The following FOXP1 variants were observed in gnomAD, a reference collection of about 807,000 sequenced individuals.
The protein encoded by FOXP1 is forkhead box protein P1.
A neutral mutation model predicts 98.2 loss-of-function variants in FOXP1; 15 were observed. That is an observed-to-expected ratio of 0.15 (90% CI 0.10 to 0.24). FOXP1 has a LOEUF of 0.24. Ranked by LOEUF, FOXP1 falls within the 10% of genes least tolerant of loss-of-function variation. The probability of loss-of-function intolerance (pLI) is 1.00; values close to 1 mark genes in which losing one functional copy is unlikely to be tolerated. For synonymous variants in FOXP1, 371 were observed against 314.5 expected, an observed-to-expected ratio of 1.18 and a Z score of -1.90; for missense variants, 633 against 848.5, an observed-to-expected ratio of 0.75 and a Z score of 3.15.
At chr3:71,230,428 T>C (rs1276333669) in intron 5 of FOXP1, among the ~76,000 whole-genome samples, 1 of 152,198 alleles carries the variant, frequency 6.6e-6, no homozygotes, top group Non-Finnish European at 1.5e-5. Flanking sequence ...TCAATGCCCA[T>C]GAATGATTAA....
intron 3 of FOXP1, among the ~76,000 whole-genome samples, chr3:71,421,453 A>T (rs1264437117): frequency 2.0e-5 from 3 of 152,220 alleles, no homozygotes; most frequent in Non-Finnish European, 4.4e-5. Context: ...ATTCAATAAG[A>T]ACACCAAAAT....
At chr3:70,992,126 C>A (rs2040695861) in intron 13 of FOXP1, among the ~76,000 whole-genome samples, 1 of 152,192 alleles carries the variant, frequency 6.6e-6, no homozygotes, top group South Asian at 2.1e-4. Flanking sequence ...CTCACCTAAA[C>A]ATGCTGGAGC....
In FOXP1 at chr3:70,958,285, C is replaced by T. The variant is rs988631959; in HGVS notation, c.*962G>A. ...CCCAATACTGCTGCGTGGAATGAAT[C>T]GGCATTGTTCCTAGAGTTTGTCTCT... On this transcript the variant is annotated 3_prime_UTR_variant, in exon 21 of 21. Coordinates refer to ENST00000649528, the MANE Select transcript of FOXP1 (RefSeq NM_001349338.3). 1.9e-5 allele frequency: 10 copies of T among 534,908 alleles called. No individual in the cohort carries two copies. Among genetic ancestry groups the T allele is most frequent in the Admixed American group, 6.7e-5 (3 of 44,922 alleles). 33.1% of individuals were successfully genotyped at this position (534,908 alleles called of 1,614,324 possible). A position where few individuals can be genotyped will look rare whatever the true frequency, so the allele number is the denominator to read the frequency against.
At chr3:71,260,202 C>T (rs1277261782) in intron 5 of FOXP1, among the ~76,000 whole-genome samples, 2 of 152,146 alleles carry the variant, frequency 1.3e-5, no homozygotes, top group Non-Finnish European at 2.9e-5. Flanking sequence ...CCAGGATGGT[C>T]GCGATCTCCT....
chr3:71,055,291 T>A (rs573923014), intron 7 of FOXP1, among the ~76,000 whole-genome samples: 1 of 152,316 alleles, frequency 6.6e-6, no homozygotes, highest in Admixed American at 6.5e-5. Flanking sequence ...GCTTGTTTCA[T>A]GTGTGGGGAT....
Position 71,085,471 on chromosome 3 carries a change from C to T in FOXP1, c.282+27065G>A, listed in dbSNP as rs539739522. Among the ~76,000 whole-genome samples, 9 of 151,982 alleles carry T rather than the reference C, an allele frequency of 5.9e-5. No individual in the cohort carries two copies. The South Asian group carries it at 6.2e-4, about 11-fold the overall frequency. On this transcript the variant is annotated intron_variant, in intron 7 of 20. Coordinates refer to ENST00000649528, the MANE Select transcript of FOXP1 (RefSeq NM_001349338.3). ...AGGCCCCACTTAGCTTTTTTTACTT[C>T]ACCCCATTAATATTTAGTATCCCAA... is the stretch of plus-strand genomic sequence containing the variant.
chr3:71,186,612 G>A (rs188234900), intron 6 of FOXP1, among the ~76,000 whole-genome samples: 1,770 of 152,352 alleles, frequency 0.012, 17 homozygotes, highest in Non-Finnish European at 0.019. Context: ...TTGGGAGGCT[G>A]AGACAGGAGA....
intron 14 of FOXP1, among the ~76,000 whole-genome samples, chr3:70,984,688 G>A (rs61465593): frequency 0.023 from 3,535 of 152,168 alleles, 138 homozygotes; most frequent in African/African-American, 0.078. Context: ...TGTTCTGAAA[G>A]GAAGATTTTA....
At position 71,115,080 on chromosome 3, in the gene FOXP1, C is replaced by G. The variant is rs528254089; in HGVS notation, c.181-2443G>C. On this transcript the variant is annotated intron_variant, in intron 6 of 20. Coordinates refer to ENST00000649528, the MANE Select transcript of FOXP1 (RefSeq NM_001349338.3). ...TATTTTAAGTGCTATCATCAGAGTTCTCAGAGTAATAGACTGATCAGCAAA... is the reference window on the plus strand; with the variant it reads ...TATTTTAAGTGCTATCATCAGAGTTGTCAGAGTAATAGACTGATCAGCAAA... Among the ~76,000 whole-genome samples the G allele has an allele frequency of 1.2e-4, 18 of 152,054 alleles. No homozygotes were observed. In the South Asian group the frequency reaches 3.7e-3, roughly 32 times the overall value.
intron 4 of FOXP1, among the ~76,000 whole-genome samples, chr3:71,328,374 A>G (rs2076051701): frequency 6.6e-6 from 1 of 152,258 alleles, no homozygotes. Context: ...TATTTGGTAC[A>G]ATGAGGGAAC....
intron 7 of FOXP1, among the ~76,000 whole-genome samples, chr3:71,101,678 CA>C (rs75384060): frequency 0.084 from 6,069 of 72,550 alleles, 371 homozygotes; most frequent in African/African-American, 0.22. Context: ...TGGGAAAAAG[CA>C]AAAAAAAAAA....
chr3:71,364,100 G>A (rs1022166756), intron 3 of FOXP1, among the ~76,000 whole-genome samples: 2 of 152,152 alleles, frequency 1.3e-5, no homozygotes, highest in Non-Finnish European at 2.9e-5. Flanking sequence ...GACTACAGGC[G>A]CGTGCCATCA....
chr3:71,270,234 G>A (rs746815845), intron 5 of FOXP1, among the ~76,000 whole-genome samples: 4 of 152,142 alleles, frequency 2.6e-5, no homozygotes, highest in South Asian at 4.1e-4. Flanking sequence ...GAATCAAAGC[G>A]TTATAAATTC....
intron 4 of FOXP1, among the ~76,000 whole-genome samples, chr3:71,305,106 C>T (rs1231186752): frequency 6.6e-6 from 1 of 152,122 alleles, no homozygotes; most frequent in Non-Finnish European, 1.5e-5. Flanking sequence ...ACATGAATTT[C>T]TCTGAGTCTG....
chr3:71,257,705 G>T (rs558696842), intron 5 of FOXP1, among the ~76,000 whole-genome samples: 1 of 152,048 alleles, frequency 6.6e-6, no homozygotes, highest in African/African-American at 2.4e-5. Context: ...AAGGACTCAG[G>T]ACTCTTAATC....
chr3:71,377,767 C>T (rs1047509502), intron 3 of FOXP1, among the ~76,000 whole-genome samples: 1 of 152,280 alleles, frequency 6.6e-6, no homozygotes, highest in Middle Eastern at 3.4e-3. Flanking sequence ...AAATTAAGAA[C>T]ATCTTTTGAG....
intron 5 of FOXP1, among the ~76,000 whole-genome samples, chr3:71,208,536 T>TTGTGTGTGTGTGTGTGTGTGTGTG (rs1553780525): frequency 0.014 from 2,045 of 149,222 alleles, 17 homozygotes; most frequent in South Asian, 0.026. Flanking sequence ...GCATTTAAGT[T>TTGTGTGTGTGTGTGTGTGTGTGTG]TGTGTGTGTG....
chr3:70,975,848 G>C (rs969590477), intron 17 of FOXP1, among the ~76,000 whole-genome samples: 5 of 152,092 alleles, frequency 3.3e-5, no homozygotes, highest in Non-Finnish European at 7.4e-5. Flanking sequence ...TCTAATATAA[G>C]GGAGTAAATA....
At position 70,981,191 on chromosome 3, in the gene FOXP1, CAAAAAAAAAA is replaced by C. The variant is rs71104406; in HGVS notation, c.1147-3172_1147-3163del. On this transcript the variant is annotated intron_variant, in intron 14 of 20. Coordinates refer to ENST00000649528, the MANE Select transcript of FOXP1 (RefSeq NM_001349338.3). ...ATCGCACCACTAGGACTCTTTCTAC[CAAAAAAAAAA>C]AAAAAAAAAAAAAAAAAGCAACAGC... 5.7e-4 allele frequency among the ~76,000 whole-genome samples: 34 copies of C among 59,974 alleles called. 2 individuals are homozygous for C. The South Asian group carries it at 0.013, about 23-fold the overall frequency. 39.3% of individuals were successfully genotyped at this position (59,974 alleles called of 152,430 possible). A position where few individuals can be genotyped will look rare whatever the true frequency, so the allele number is the denominator to read the frequency against.
Sources: gnomAD v4.1 joint callset for allele counts (sites outside exome capture counted in the v4.1 genomes callset) on GRCh38, gnomAD v4.1.1 for gene constraint, MANE v1.5 for transcripts, NCBI Gene and HGNC (gene_info 2026-07-23, HGNC 2026-07-21) for gene names.